Variants in LRBA observed in about 807,000 individuals in gnomAD.
LRBA encodes the protein lipopolysaccharide-responsive and beige-like anchor protein.
Under a neutral mutation model 330.0 loss-of-function variants are expected in LRBA, and 176 were observed. The observed-to-expected ratio is 0.53, with a 90% CI of 0.47 to 0.60. The LOEUF (loss-of-function observed/expected upper bound fraction) is 0.60. LRBA is among the 20% of genes least tolerant of loss of function. The pLI, the probability that LRBA is intolerant of heterozygous loss-of-function variation, is 0.00. For missense variants in LRBA, 3,259 were observed against 3,444.8 expected, an observed-to-expected ratio of 0.95 and a Z score of 1.35; for synonymous variants, 1,230 against 1,193.0, an observed-to-expected ratio of 1.03 and a Z score of -0.64.
chr4:150,475,730 A>G (rs1337571392), intron 42 of LRBA, among the ~76,000 whole-genome samples: 4 of 149,802 alleles, frequency 2.7e-5, no homozygotes, highest in Non-Finnish European at 5.9e-5. Context: ...CCCTATCTCT[A>G]TAAAAAAAAA....
chr4:150,885,782 C>G (rs1019488420), intron 17 of LRBA, among the ~76,000 whole-genome samples: 1 of 151,882 alleles, frequency 6.6e-6, no homozygotes, highest in Non-Finnish European at 1.5e-5. Flanking sequence ...CAATGGAGTC[C>G]ACAGGTCAGG....
intron 30 of LRBA, 76 bp downstream of exon 30, chr4:150,828,104 G>T: frequency 7.3e-7 from 1 of 1,369,584 alleles, no homozygotes; most frequent in Non-Finnish European, 1.0e-6. Context: ...TACACAGGGC[G>T]TCATCATCCC....
intron 34 of LRBA, among the ~76,000 whole-genome samples, chr4:150,795,689 C>G (rs898072747): frequency 6.6e-6 from 1 of 151,726 alleles, no homozygotes; most frequent in Non-Finnish European, 1.5e-5. Context: ...TTATATATAG[C>G]CTAATCAACT....
At chr4:150,559,171 T>C (rs894965087) in intron 40 of LRBA, among the ~76,000 whole-genome samples, 30 of 152,138 alleles carry the variant, frequency 2.0e-4, no homozygotes, top group African/African-American at 3.9e-4. Flanking sequence ...TTCTTCAAAA[T>C]TGGCAATGTC....
At chr4:150,749,498 A>G (rs758084046) in intron 35 of LRBA, among the ~76,000 whole-genome samples, 3 of 152,098 alleles carry the variant, frequency 2.0e-5, no homozygotes, top group Non-Finnish European at 4.4e-5. Context: ...ACTCATGCCT[A>G]TAATTCCTGC....
chr4:150,645,685 C>T (rs1160579712), intron 37 of LRBA, among the ~76,000 whole-genome samples: 1 of 151,866 alleles, frequency 6.6e-6, no homozygotes, highest in African/African-American at 2.4e-5. Flanking sequence ...TATATAAATG[C>T]CTTCCAAGAG....
intron 34 of LRBA, among the ~76,000 whole-genome samples, chr4:150,779,707 A>G (rs975642260): frequency 6.6e-6 from 1 of 152,182 alleles, no homozygotes; most frequent in African/African-American, 2.4e-5. Context: ...AAATCTTTAT[A>G]AACTTATATA....
chr4:150,828,437 G>C lies in LRBA; in HGVS notation c.4914C>G (p.Ser1638Arg), dbSNP rs970538929. 1 of 1,614,104 alleles carries C rather than the reference G, an allele frequency of 6.2e-7. No homozygotes were observed. The highest frequency in any genetic ancestry group is 1.7e-5 in the Admixed American group (1 of 60,002). The change falls in exon 30 of 57, where the codon AGC becomes AGG. Residue 1638 changes from serine (S) to arginine (R), a missense_variant. Ser to Arg is a moderately radical substitution (Grantham distance 110). Coordinates refer to ENST00000651943, the MANE Select transcript of LRBA (RefSeq NM_001364905.1). Reference sequence around the variant, plus strand: ...CTAAAGAAAGAGTAGATAGCACCTCGCTGATTGCATCTGGGCCTGCACTGA... The same window carrying C: ...CTAAAGAAAGAGTAGATAGCACCTCCCTGATTGCATCTGGGCCTGCACTGA... ...PGVSAGPDAI[S>R]EVLSTLSLEV...
At position 150,819,189 on chromosome 4, in the gene LRBA, G is replaced by GT. The variant is rs563549725; in HGVS notation, c.5172-1933dup. On this transcript the variant is annotated intron_variant, in intron 30 of 56. Coordinates refer to ENST00000651943, the MANE Select transcript of LRBA (RefSeq NM_001364905.1). ...ATACTAAGGAGTATATACTTTATGG[G>GT]TTTTTTTTTTTTAACATGCATGTCT... 5.7e-3 allele frequency among the ~76,000 whole-genome samples: 830 copies of GT among 144,576 alleles called. 5 individuals are homozygous for GT. The highest frequency in any genetic ancestry group is 0.017 in the African/African-American group (671 of 39,744). The allele number at this position is 144,576 out of a possible 152,430, so 94.8% of individuals were successfully genotyped here. A position where few individuals can be genotyped will look rare whatever the true frequency, so the allele number is the denominator to read the frequency against.
chr4:150,708,551 T>C (rs920753766), intron 36 of LRBA, among the ~76,000 whole-genome samples: 11 of 151,850 alleles, frequency 7.2e-5, no homozygotes, highest in Admixed American at 6.6e-4. Flanking sequence ...ATAGAATTGG[T>C]AAATTACCTG....
chr4:150,661,645 C>G (rs1781119377), intron 37 of LRBA, among the ~76,000 whole-genome samples: 2 of 151,984 alleles, frequency 1.3e-5, no homozygotes, highest in South Asian at 4.2e-4. Context: ...GAGTCTCACT[C>G]TATCGCCCAG....
chr4:150,663,297 T>C (rs960924644), intron 37 of LRBA, among the ~76,000 whole-genome samples: 4 of 151,874 alleles, frequency 2.6e-5, no homozygotes, highest in Non-Finnish European at 2.9e-5. Context: ...TCACTGTATA[T>C]ATATGAAGGC....
intron 36 of LRBA, among the ~76,000 whole-genome samples, chr4:150,734,149 T>C (rs540104299): frequency 6.6e-6 from 1 of 152,264 alleles, no homozygotes; most frequent in African/African-American, 2.4e-5. Flanking sequence ...TCTTTTTCTG[T>C]GAGTTTTAAT....
chr4:150,699,934 A>AAAAATTC (rs1266326220), intron 36 of LRBA, among the ~76,000 whole-genome samples: 2 of 152,188 alleles, frequency 1.3e-5, no homozygotes, highest in Non-Finnish European at 2.9e-5. Flanking sequence ...TCCCTTATCC[A>AAAAATTC]AAAATTCAAA....
intron 30 of LRBA, among the ~76,000 whole-genome samples, chr4:150,822,547 G>A (rs994313198): frequency 4.6e-5 from 7 of 152,064 alleles, no homozygotes; most frequent in East Asian, 3.9e-4. Context: ...CAGCAGGATC[G>A]CTTGAGGTCA....
chr4:150,984,198 A>C (rs974067978), intron 2 of LRBA, among the ~76,000 whole-genome samples: 2 of 152,232 alleles, frequency 1.3e-5, no homozygotes, highest in Non-Finnish European at 2.9e-5. Context: ...TAAACCAAAC[A>C]TAAGAAAATT....
intron 36 of LRBA, among the ~76,000 whole-genome samples, chr4:150,700,522 GAT>G (rs1785018867): frequency 2.0e-5 from 3 of 152,134 alleles, no homozygotes; most frequent in African/African-American, 4.8e-5. Flanking sequence ...GAAGGTCTAG[GAT>G]ATTACTGTAT....
chr4:150,952,019 G>C (rs986272423), intron 2 of LRBA, among the ~76,000 whole-genome samples: 4 of 152,176 alleles, frequency 2.6e-5, no homozygotes, highest in Non-Finnish European at 5.9e-5. Flanking sequence ...ACACCTTGCT[G>C]TTTGCAAATG....
intron 46 of LRBA, among the ~76,000 whole-genome samples, chr4:150,419,741 G>T (rs1748366801): frequency 6.7e-6 from 1 of 148,384 alleles, no homozygotes; most frequent in Non-Finnish European, 1.5e-5. Context: ...GAGTTCAAGC[G>T]ATTCTCATGC....
Sources: allele counts gnomAD v4.1 joint callset (sites outside exome capture counted in the v4.1 genomes callset), GRCh38; gene constraint gnomAD v4.1.1; transcripts MANE v1.5; gene names NCBI Gene and HGNC (gene_info 2026-07-23, HGNC 2026-07-21).